The following CIMAP2 variants were observed in gnomAD, a reference collection of about 807,000 sequenced individuals.
CIMAP2 encodes ciliary microtubule associated protein 2.
At chr1:54,838,439 G>A in the CIMAP2 span, among the ~76,000 whole-genome samples, 7 of 151,592 alleles carry the variant, frequency 4.6e-5, no homozygotes, top group Non-Finnish European at 7.4e-5. Flanking sequence ...CTGAGATCCC[G>A]CCACTGCACT....
the CIMAP2 span, among the ~76,000 whole-genome samples, chr1:54,826,526 G>GGTGCT: frequency 6.6e-6 from 1 of 152,174 alleles, no homozygotes; most frequent in East Asian, 1.9e-4. Flanking sequence ...CTCTCAAAAT[G>GGTGCT]GTGCTGTGCT....
the CIMAP2 span, among the ~76,000 whole-genome samples, chr1:54,816,105 C>T: frequency 1.3e-5 from 2 of 152,228 alleles, no homozygotes; most frequent in South Asian, 2.1e-4. Flanking sequence ...CCTACTGCTA[C>T]CACAGAGCCA....
At chr1:54,813,813 GA>G in the CIMAP2 span, 298 of 1,585,324 alleles carry the variant, frequency 1.9e-4, 5 homozygotes, top group South Asian at 3.4e-3. Flanking sequence ...CTTTTTCTTA[GA>G]AAAAAAAGCC....
the CIMAP2 span, chr1:54,811,767 C>CGGGGGGGGGGCG: frequency 9.2e-6 from 10 of 1,088,154 alleles, no homozygotes; most frequent in Non-Finnish European, 1.2e-5. Context: ...TTCTGACAGC[C>CGGGGGGGGGGCG]TCCATGCCCC....
chr1:54,815,858 A>G, the CIMAP2 span, among the ~76,000 whole-genome samples: 86,030 of 136,018 alleles, frequency 0.63, 26,844 homozygotes, highest in South Asian at 0.76. Context: ...CCCCACCCCA[A>G]TTTGATAGCC....
chr1:54,811,139 C>A, the CIMAP2 span, among the ~76,000 whole-genome samples: 1 of 152,202 alleles, frequency 6.6e-6, no homozygotes, highest in African/African-American at 2.4e-5. Context: ...GACCATGCGA[C>A]ACAGAAGGCC....
At chr1:54,817,206 G>T in the CIMAP2 span, 13 of 1,545,104 alleles carry the variant, frequency 8.4e-6, no homozygotes, top group Non-Finnish European at 3.5e-6. Context: ...CCCCATGTTT[G>T]GTTCCCATGG....
At chr1:54,836,806 C>T in the CIMAP2 span, among the ~76,000 whole-genome samples, 1 of 151,936 alleles carries the variant, frequency 6.6e-6, no homozygotes, top group African/African-American at 2.4e-5. Context: ...CAGGGATGGC[C>T]GAGCAGCGGG....
chr1:54,839,066 A>G, the CIMAP2 span, among the ~76,000 whole-genome samples: 1 of 152,132 alleles, frequency 6.6e-6, no homozygotes, highest in Admixed American at 6.5e-5. Context: ...ATAGGATTGG[A>G]TCTCTGGTCC....
chr1:54,808,148 G>C, the CIMAP2 span: 1 of 889,228 alleles, frequency 1.1e-6, no homozygotes, highest in African/African-American at 1.7e-5. Flanking sequence ...GGCATACACT[G>C]TCCTAGACCT....
the CIMAP2 span, chr1:54,811,765 G>GCGGGGCGGGGC: frequency 7.7e-7 from 1 of 1,301,332 alleles, no homozygotes; most frequent in Non-Finnish European, 1.1e-6. Flanking sequence ...GGTTCTGACA[G>GCGGGGCGGGGC]CCTCCATGCC....
the CIMAP2 span, chr1:54,807,644 T>C: frequency 1.2e-6 from 2 of 1,610,868 alleles, no homozygotes; most frequent in Non-Finnish European, 1.7e-6. Context: ...CTGACCCAGC[T>C]ACCCCACTTC....
the CIMAP2 span, chr1:54,806,218 C>T: frequency 1.6e-4 from 241 of 1,528,904 alleles, no homozygotes; most frequent in Non-Finnish European, 2.0e-4. Flanking sequence ...TGCAGAGCCA[C>T]AGGTGGGGCC....
At chr1:54,819,637 C>G in the CIMAP2 span, among the ~76,000 whole-genome samples, 5 of 152,128 alleles carry the variant, frequency 3.3e-5, no homozygotes, top group African/African-American at 1.2e-4. Context: ...TCCCAAAGTG[C>G]TGGGATTATA....
the CIMAP2 span, among the ~76,000 whole-genome samples, chr1:54,836,048 G>A: frequency 6.6e-6 from 1 of 152,016 alleles, no homozygotes; most frequent in Non-Finnish European, 1.5e-5. Context: ...GGGTAGGAAA[G>A]AGGGACTCAG....
At chr1:54,807,112 C>A in the CIMAP2 span, 1 of 1,584,784 alleles carries the variant, frequency 6.3e-7, no homozygotes, top group Non-Finnish European at 8.7e-7. Context: ...CCTGACTCCT[C>A]CCACAGGGTC....
chr1:54,814,576 CG>C, the CIMAP2 span, among the ~76,000 whole-genome samples: 2 of 152,230 alleles, frequency 1.3e-5, no homozygotes, highest in Non-Finnish European at 2.9e-5. Context: ...AAGGGTGAGA[CG>C]GGGCTGGGAT....
chr1:54,815,036 C>A, the CIMAP2 span: 1 of 1,614,080 alleles, frequency 6.2e-7, no homozygotes, highest in South Asian at 1.1e-5. Flanking sequence ...TTATGGGAAG[C>A]TGGGTAAGTG....
At chr1:54,811,870 G>A in the CIMAP2 span, 15 of 1,609,748 alleles carry the variant, frequency 9.3e-6, no homozygotes, top group East Asian at 1.1e-4. Flanking sequence ...GCCTGGAACC[G>A]GTCTCATTCC....
Sources: gnomAD v4.1 joint callset for allele counts (sites outside exome capture counted in the v4.1 genomes callset) on GRCh38, gnomAD v4.1.1 for gene constraint, MANE v1.5 for transcripts, NCBI Gene and HGNC (gene_info 2026-07-23, HGNC 2026-07-21) for gene names.